Variants in PTPRT observed in about 807,000 individuals in gnomAD.
PTPRT encodes the protein protein tyrosine phosphatase receptor type T.
PTPRT carries 56 observed loss-of-function variants against 176.8 expected under a neutral mutation model. The ratio of observed to expected loss-of-function variants is 0.32; its 90% CI spans 0.26 to 0.40. The LOEUF (loss-of-function observed/expected upper bound fraction) is 0.40, where lower values mean the gene tolerates loss of function less well. Among genes scored for constraint, PTPRT ranks in the 10% least tolerant of loss-of-function variants. The pLI, the probability that PTPRT is intolerant of heterozygous loss-of-function variation, is 1.00. For synonymous variants in PTPRT, 783 were observed against 739.0 expected (o/e 1.06, Z -0.96); for missense variants, 1,540 against 1,908.2 (o/e 0.81, Z 3.60).
At chr20:43,183,527 C>T (rs2015318081) in intron 1 of PTPRT, among the ~76,000 whole-genome samples, 2 of 152,192 alleles carry the variant, frequency 1.3e-5, no homozygotes, top group African/African-American at 4.8e-5. Flanking sequence ...GTTTTAACAG[C>T]TTTAGTCCAT....
chr20:42,656,463 G>T (rs1051466607), intron 7 of PTPRT, among the ~76,000 whole-genome samples: 3 of 152,162 alleles, frequency 2.0e-5, no homozygotes, highest in African/African-American at 7.2e-5. Flanking sequence ...CCACTTGTTT[G>T]CAGAGTTATT....
chr20:42,698,655 C>T (rs1316861346), intron 6 of PTPRT, among the ~76,000 whole-genome samples: 1 of 152,086 alleles, frequency 6.6e-6, no homozygotes. Flanking sequence ...TCAAAAATTC[C>T]CTAGTTGTCT....
intron 1 of PTPRT, among the ~76,000 whole-genome samples, chr20:43,025,039 T>C (rs903513168): frequency 6.6e-6 from 1 of 152,212 alleles, no homozygotes; most frequent in African/African-American, 2.4e-5. Flanking sequence ...ACACCTTCCT[T>C]GACTGACAGA....
At chr20:42,173,883 C>G (rs192786026) in intron 16 of PTPRT, among the ~76,000 whole-genome samples, 1 of 152,180 alleles carries the variant, frequency 6.6e-6, no homozygotes. Flanking sequence ...CTTTCAGAGA[C>G]ACTTGTTGTT....
intron 7 of PTPRT, among the ~76,000 whole-genome samples, chr20:42,636,187 C>G (rs1338324941): frequency 2.0e-5 from 3 of 152,044 alleles, no homozygotes; most frequent in African/African-American, 4.8e-5. Context: ...TGCCCAAGCC[C>G]TGGCATTCTT....
intron 7 of PTPRT, among the ~76,000 whole-genome samples, chr20:42,530,337 C>A (rs182935940): frequency 6.6e-6 from 1 of 152,328 alleles, no homozygotes; most frequent in East Asian, 1.9e-4. Context: ...TCAGTCACTG[C>A]ATGCCCGCTG....
intron 6 of PTPRT, among the ~76,000 whole-genome samples, chr20:42,678,605 G>A (rs1169890600): frequency 6.6e-6 from 1 of 152,192 alleles, no homozygotes; most frequent in Non-Finnish European, 1.5e-5. Context: ...CGCCTGGCCT[G>A]AAAACCCTTT....
At chr20:42,943,672 C>G (rs189624511) in intron 1 of PTPRT, among the ~76,000 whole-genome samples, 3 of 152,290 alleles carry the variant, frequency 2.0e-5, no homozygotes, top group Non-Finnish European at 2.9e-5. Flanking sequence ...CCATCTGCTT[C>G]ACCATACACC....
chr20:42,934,897 C>T (rs1172217394), intron 1 of PTPRT, among the ~76,000 whole-genome samples: 1 of 151,706 alleles, frequency 6.6e-6, no homozygotes, highest in Non-Finnish European at 1.5e-5. Context: ...GGTGGAACCA[C>T]GTCTCTATTA....
chr20:42,095,330 CTA>C, intron 27 of PTPRT, among the ~76,000 whole-genome samples: 1 of 152,322 alleles, frequency 6.6e-6, no homozygotes, highest in Non-Finnish European at 1.5e-5. Flanking sequence ...CCAAGTTCTT[CTA>C]TGTCTTCCAT....
Position 42,576,335 on chromosome 20 carries a change from A to C in PTPRT, c.1153+101531T>G, listed in dbSNP as rs375264023. 3.9e-5 allele frequency among the ~76,000 whole-genome samples: 6 copies of C among 152,300 alleles called. No homozygotes were observed. In the South Asian group the frequency reaches 1.2e-3, roughly 32 times the overall value. On this transcript the variant is annotated intron_variant, in intron 7 of 30. Coordinates refer to ENST00000373187, the MANE Select transcript of PTPRT (RefSeq NM_007050.6). Reference sequence around the variant, plus strand: ...GGACCCTCTGTTTACTTGCCTGTTAAATCCTGAACATCTGGAAGGGAGTCG... The same window carrying C: ...GGACCCTCTGTTTACTTGCCTGTTACATCCTGAACATCTGGAAGGGAGTCG...
At chr20:43,149,419 T>C (rs1381091387) in intron 1 of PTPRT, among the ~76,000 whole-genome samples, 2 of 152,186 alleles carry the variant, frequency 1.3e-5, no homozygotes, top group Non-Finnish European at 2.9e-5. Context: ...GAAAGGTAAT[T>C]ATAACAGACA....
chr20:42,318,811 TC>T (rs2057757666), intron 11 of PTPRT, among the ~76,000 whole-genome samples: 1 of 152,056 alleles, frequency 6.6e-6, no homozygotes, highest in African/African-American at 2.4e-5. Context: ...CTGTCATCTT[TC>T]CCCTCTAAAT....
chr20:42,096,763 T>TAAA (rs1568924899), intron 27 of PTPRT, among the ~76,000 whole-genome samples: 8,983 of 133,342 alleles, frequency 0.067, 459 homozygotes, highest in African/African-American at 0.16. Context: ...AAAATTTTTT[T>TAAA]TTTTTTTTTT....
chr20:42,924,252 A>C (rs992932733), intron 1 of PTPRT, among the ~76,000 whole-genome samples: 1 of 152,192 alleles, frequency 6.6e-6, no homozygotes, highest in South Asian at 2.1e-4. Flanking sequence ...TAAAAAAAAA[A>C]TTATAGCATG....
chr20:42,742,671 A>C (rs945745320), intron 6 of PTPRT, among the ~76,000 whole-genome samples: 4 of 152,214 alleles, frequency 2.6e-5, no homozygotes. Flanking sequence ...CCCAGAAGGA[A>C]AAATAAATGG....
rs2146063805 is a variant in PTPRT, at chr20:42,677,869, C to T, written c.1150G>A (p.Ala384Thr). 1.2e-6 allele frequency: 2 copies of T among 1,610,734 alleles called. No homozygotes were observed. Among genetic ancestry groups the T allele is most frequent in the Non-Finnish European group, 1.7e-6 (2 of 1,178,328 alleles). Reference sequence around the variant, plus strand: ...CTGGGAAAAAAAAAAATCTTACCTGCACACTTGGTCCTGGTGGTGAGGGGA... The same window carrying T: ...CTGGGAAAAAAAAAAATCTTACCTGTACACTTGGTCCTGGTGGTGAGGGGA... ...GPPLTTRTKC[A>T]DPVHGPQNVE... Residue 384 changes from alanine to threonine, a missense_variant, in exon 7 of 31, where the codon GCA becomes ACA. By Grantham distance (58) the Ala-to-Thr change is moderately conservative. Around this residue, in one of 11 missense-constraint regions of PTPRT, gnomAD observed 273 missense variants for 432.1 expected, o/e 0.63. Transcript: ENST00000373187.
At chr20:42,229,607 C>A (rs1391336453) in intron 15 of PTPRT, among the ~76,000 whole-genome samples, 1 of 152,140 alleles carries the variant, frequency 6.6e-6, no homozygotes, top group Non-Finnish European at 1.5e-5. Context: ...AAGAAAGGAG[C>A]AGTCTCTTAT....
intron 5 of PTPRT, among the ~76,000 whole-genome samples, chr20:42,763,083 C>G (rs1163797183): frequency 1.3e-5 from 2 of 152,192 alleles, no homozygotes; most frequent in Non-Finnish European, 2.9e-5. Context: ...TTTTCAGGAA[C>G]CACCTAAAGA....
Sources: allele counts gnomAD v4.1 joint callset (sites outside exome capture counted in the v4.1 genomes callset), GRCh38; gene constraint gnomAD v4.1.1; regional missense constraint gnomAD v4.1.1; transcripts MANE v1.5; gene names NCBI Gene and HGNC (gene_info 2026-07-23, HGNC 2026-07-21).